The following PCDH15 variants were observed in gnomAD, a reference collection of about 807,000 sequenced individuals.
The protein encoded by PCDH15 is protocadherin related 15.
Under a neutral mutation model 178.5 loss-of-function variants are expected in PCDH15, and 129 were observed. That is an observed-to-expected ratio of 0.72 (90% CI 0.63 to 0.84). The LOEUF (loss-of-function observed/expected upper bound fraction) is 0.84, where lower values mean the gene tolerates loss of function less well. Among genes scored for constraint, PCDH15 ranks in the 40% least tolerant of loss-of-function variants. The pLI is 0.00. For synonymous variants in PCDH15, 800 were observed against 732.0 expected (o/e 1.09, Z -1.50); for missense variants, 2,230 against 2,099.9 (o/e 1.06, Z -1.21).
In PCDH15 at chr10:54,369,193, C is replaced by A. The variant is rs767966376; in HGVS notation, c.401G>T (p.Arg134Leu). 1.9e-6 allele frequency: 3 copies of A among 1,612,974 alleles called. No individual in the cohort carries two copies. Among genetic ancestry groups the A allele is most frequent in the Non-Finnish European group, 2.5e-6 (3 of 1,179,390 alleles). Residue 134 changes from arginine (R) to leucine (L), a missense_variant, in exon 5 of 38, where the codon CGA becomes CTA. Coordinates refer to ENST00000644397, the MANE Select transcript of PCDH15 (RefSeq NM_001384140.1). ...GTCATTCCTGTCTCTCACCACTATT[C>A]GCACTTCATGGTAGATAATAGTGCC... is the stretch of plus-strand genomic sequence containing the variant. ...KVGTIIYHEVRIVVRDRNDNS... is the reference protein window; with the variant it reads ...KVGTIIYHEVLIVVRDRNDNS...
chr10:54,401,332 G>A (rs1261558032), intron 3 of PCDH15, among the ~76,000 whole-genome samples: 2 of 151,832 alleles, frequency 1.3e-5, no homozygotes, highest in East Asian at 3.9e-4. Flanking sequence ...GAGAGATTTA[G>A]GGCAAGCAAA....
At chr10:55,242,722 A>C (rs778442961) in intron 1 of PCDH15, among the ~76,000 whole-genome samples, 1 of 152,094 alleles carries the variant, frequency 6.6e-6, no homozygotes, top group Non-Finnish European at 1.5e-5. Flanking sequence ...ATTGTGATGC[A>C]TGCCTGTAGT....
At chr10:53,863,944 T>G (rs574044876) in intron 27 of PCDH15, among the ~76,000 whole-genome samples, 5 of 152,274 alleles carry the variant, frequency 3.3e-5, no homozygotes, top group African/African-American at 7.2e-5. Context: ...CTAAATGCTT[T>G]AGTATTATTT....
chr10:54,751,871 G>C (rs1046358465), intron 1 of PCDH15, among the ~76,000 whole-genome samples: 1 of 152,118 alleles, frequency 6.6e-6, no homozygotes, highest in East Asian at 1.9e-4. Flanking sequence ...TGACTAAAAG[G>C]CTTTCCCAAT....
At chr10:55,391,529 C>T (rs1837792756) in intron 2 of PCDH15, among the ~76,000 whole-genome samples, 1 of 152,014 alleles carries the variant, frequency 6.6e-6, no homozygotes. Flanking sequence ...CCCTGTCGCC[C>T]AGGATGGATT....
chr10:55,364,301 G>A (rs1845300219), intron 2 of PCDH15, among the ~76,000 whole-genome samples: 2 of 152,128 alleles, frequency 1.3e-5, no homozygotes, highest in South Asian at 2.1e-4. Context: ...TAAGCAAAAC[G>A]GATTAATACA....
chr10:54,047,687 G>T (rs2093683710), intron 18 of PCDH15, among the ~76,000 whole-genome samples: 2 of 152,006 alleles, frequency 1.3e-5, no homozygotes, highest in African/African-American at 4.8e-5. Flanking sequence ...TTCTGTCCCT[G>T]CATTAATGTA....
rs1840978199 is a variant in PCDH15, at chr10:53,803,342, A to T, written c.*3237T>A. On this transcript the variant is annotated 3_prime_UTR_variant, in exon 38 of 38. Transcript: ENST00000644397. ...GAAAGAGAAAAATCAAAGCTCATGAAATAAAAGACAGAAAATGTCTTCCCT... is the reference window on the plus strand; with the variant it reads ...GAAAGAGAAAAATCAAAGCTCATGATATAAAAGACAGAAAATGTCTTCCCT... 1 of 151,972 alleles carries T rather than the reference A, an allele frequency of 6.6e-6. No individual in the cohort carries two copies. 9.4% of individuals were successfully genotyped at this position (151,972 alleles called of 1,614,324 possible). A position where few individuals can be genotyped will look rare whatever the true frequency, so the allele number is the denominator to read the frequency against.
At chr10:54,207,893 A>C (rs1405863399) in intron 10 of PCDH15, among the ~76,000 whole-genome samples, 3 of 152,102 alleles carry the variant, frequency 2.0e-5, no homozygotes, top group Non-Finnish European at 2.9e-5. Context: ...CCTAACATAA[A>C]GGCTTTTCTT....
chr10:54,027,246 C>T (rs551041829), intron 18 of PCDH15, among the ~76,000 whole-genome samples: 1 of 148,152 alleles, frequency 6.7e-6, no homozygotes, highest in Non-Finnish European at 1.5e-5. Flanking sequence ...ATGTGAAGGA[C>T]CTCTTCAAGG....
At chr10:55,423,870 G>A (rs1838684995) in intron 2 of PCDH15, among the ~76,000 whole-genome samples, 1 of 152,072 alleles carries the variant, frequency 6.6e-6, no homozygotes, top group Non-Finnish European at 1.5e-5. Flanking sequence ...TTTTTAAAAT[G>A]TAAGTTTTTA....
At chr10:55,054,773 G>A (rs986744586) in intron 2 of PCDH15, among the ~76,000 whole-genome samples, 1 of 152,142 alleles carries the variant, frequency 6.6e-6, no homozygotes, top group Non-Finnish European at 1.5e-5. Context: ...CAGTGATGTT[G>A]AGCTTATTTT....
At chr10:54,775,669 G>A (rs551940608) in intron 1 of PCDH15, among the ~76,000 whole-genome samples, 7 of 152,170 alleles carry the variant, frequency 4.6e-5, no homozygotes, top group East Asian at 3.9e-4. Flanking sequence ...AGGCCGAGGC[G>A]GGCGGATCAC....
intron 1 of PCDH15, among the ~76,000 whole-genome samples, chr10:55,166,820 A>G (rs1455088888): frequency 2.0e-5 from 3 of 152,174 alleles, no homozygotes; most frequent in Non-Finnish European, 4.4e-5. Context: ...AGATTGCAAG[A>G]ATCTTAAATA....
chr10:54,179,732 C>T (rs1029236535), intron 13 of PCDH15, among the ~76,000 whole-genome samples: 1 of 152,090 alleles, frequency 6.6e-6, no homozygotes, highest in Non-Finnish European at 1.5e-5. Context: ...GTGGCCAAAT[C>T]ATTTAAATAC....
chr10:55,521,208 A>G (rs966956303), intron 2 of PCDH15, among the ~76,000 whole-genome samples: 9 of 152,018 alleles, frequency 5.9e-5, no homozygotes, highest in South Asian at 2.1e-4. Context: ...TTCACTTAGC[A>G]TAATGTCTTT....
chr10:55,585,681 G>A (rs1002890292), intron 2 of PCDH15, among the ~76,000 whole-genome samples: 6 of 151,670 alleles, frequency 4.0e-5, no homozygotes, highest in African/African-American at 1.2e-4. Flanking sequence ...ATATCAAGTA[G>A]GTATGTGTAT....
intron 22 of PCDH15, 127 bp downstream of exon 22, chr10:53,961,625 A>G (rs1375002813): frequency 3.0e-6 from 2 of 664,866 alleles, no homozygotes; most frequent in Non-Finnish European, 4.5e-6. Context: ...GAGAAAAAAA[A>G]ATTGTAATTT....
chr10:54,890,631 G>C (rs1368075319), intron 3 of PCDH15, among the ~76,000 whole-genome samples: 2 of 151,874 alleles, frequency 1.3e-5, no homozygotes, highest in Non-Finnish European at 2.9e-5. Context: ...ATGAAGGTAA[G>C]GACAGAATAA....
Sources: allele counts gnomAD v4.1 joint callset (sites outside exome capture counted in the v4.1 genomes callset), GRCh38; gene constraint gnomAD v4.1.1; transcripts MANE v1.5; gene names NCBI Gene and HGNC (gene_info 2026-07-23, HGNC 2026-07-21).